The following RECQL4 variants were observed in gnomAD, a reference collection of about 807,000 sequenced individuals.
RECQL4 encodes RecQ like helicase 4.
In RECQL4, 158 loss-of-function variants were observed where a neutral mutation model predicts 128.6. The ratio of observed to expected loss-of-function variants is 1.23; its 90% CI spans 1.08 to 1.40. The LOEUF (loss-of-function observed/expected upper bound fraction) is 1.40. Among genes scored for constraint, RECQL4 ranks in the 40% most tolerant of loss-of-function variants. The pLI is 0.00. For synonymous variants in RECQL4, 996 were observed against 678.9 expected (o/e 1.47, Z -7.26); for missense variants, 2,293 against 1,649.8 (o/e 1.39, Z -6.75).
At chr8:144,514,624 G>A (rs1388237807) in intron 9 of RECQL4, 99 bp from the exon 10 acceptor site, 3 of 1,277,104 alleles carry the variant, frequency 2.3e-6, no homozygotes, top group Non-Finnish European at 3.2e-6. Context: ...AGTCCCTCAG[G>A]GGAGAGGAGA....
rs750008283 is a variant in RECQL4 at position 144,511,959 on chromosome 8, C to T, written c.3345G>A (p.Glu1115=). Residue 1115 remains glutamate (E), a synonymous_variant, in exon 19 of 21, where the codon GAG becomes GAA. Transcript: ENST00000617875. The part of the protein sequence containing the change: ...GRYFEEEEGQ[E]PGGMEDAQGP... ...CCTGTGCGTCCTCCATGCCTCCCGG[C>T]TCCTGCCCTTCCTCTTCCTCAAAGT... The T allele has an allele frequency of 2.5e-6, 4 of 1,611,630 alleles. No individual in the cohort carries two copies. In the Admixed American group the frequency reaches 5.0e-5, roughly 20 times the overall value.
Position 144,515,178 on chromosome 8 carries a change from C to T in RECQL4, c.1455G>A (p.Gln485=), listed in dbSNP as rs1347539741. 2.6e-6 allele frequency: 4 copies of T among 1,565,800 alleles called. No individual in the cohort carries two copies. The highest frequency in any genetic ancestry group is 1.7e-4 in the Middle Eastern group (1 of 6,026). The change falls in exon 8 of 21, where the codon CAG becomes CAA. Residue 485 remains glutamine, a synonymous_variant. Transcript: ENST00000617875. ...ACAGGATCCGCATGACTGCACGCTCCTGCCCAGGGCGAAAGGCTTGGTGCC... is the reference window on the plus strand; with the variant it reads ...ACAGGATCCGCATGACTGCACGCTCTTGCCCAGGGCGAAAGGCTTGGTGCC... The part of the protein sequence containing the change: ...QLGHQAFRPG[Q]ERAVMRILSG...
Position 144,516,399 on chromosome 8 carries a change from T to C in RECQL4, c.720A>G (p.Ser240=). 8.1e-6 allele frequency: 13 copies of C among 1,609,668 alleles called. No individual in the cohort carries two copies. Among genetic ancestry groups the C allele is most frequent in the South Asian group, 1.1e-5 (1 of 90,998 alleles). The part of the protein sequence containing the change: ...PGAGSQGPEA[S]AFQEVSIRVG... ...CACGGATGCTGACTTCTTGGAAGGC[T>C]GAAGCCTCTGGGCCCTGGGAGCCAG... The change falls in exon 5 of 21, where the codon TCA becomes TCG. Residue 240 remains serine (S), a synonymous_variant. Transcript: ENST00000617875.
rs1564810891 is a variant in RECQL4, at chr8:144,517,196, G to C, written c.214-6C>G. 1.9e-6 allele frequency: 3 copies of C among 1,594,016 alleles called. No homozygotes were observed. The highest frequency in any genetic ancestry group is 4.5e-5 in the East Asian group (2 of 44,096). On this transcript the variant is annotated splice_region_variant and splice_polypyrimidine_tract_variant and intron_variant, in intron 3 of 20. Transcript: ENST00000617875. ...CAGCAGCGGGGCTCTGGCGCCTGCAGGAGACAACAGGGGCACAGGCCAGAA... is the reference window on the plus strand; with the variant it reads ...CAGCAGCGGGGCTCTGGCGCCTGCACGAGACAACAGGGGCACAGGCCAGAA...
chr8:144,515,906 A>G lies in RECQL4; in HGVS notation c.1132-16T>C, dbSNP rs1349861607. On this transcript the variant is annotated splice_polypyrimidine_tract_variant and intron_variant, in intron 5 of 20. Transcript: ENST00000617875. ...GCTTCCATGCCTGGGGGGTGCCCAC[A>G]TAGGAGGGTCACTGGGCGGGAAATA... 3 of 1,612,738 alleles carry G rather than the reference A, an allele frequency of 1.9e-6. No homozygotes were observed. The highest frequency in any genetic ancestry group is 3.3e-5 in the Admixed American group (2 of 59,968).
rs781458227 is a variant in RECQL4 at position 144,513,495 on chromosome 8, G to A, written c.2201-15C>T. ...GGGGGCACGACCTTTGGGGAAGACA[G>A]GCAGATGGTCAGTGGGATGGGACCA... is the stretch of plus-strand genomic sequence containing the variant. On this transcript the variant is annotated splice_polypyrimidine_tract_variant and intron_variant, in intron 13 of 20. Transcript: ENST00000617875. 1.7e-5 allele frequency: 28 copies of A among 1,610,204 alleles called. No homozygotes were observed. The highest frequency in any genetic ancestry group is 6.6e-5 in the South Asian group (6 of 91,068).
chr8:144,512,633 C>T lies in RECQL4; in HGVS notation c.2885+9G>A, dbSNP rs578139954. On this transcript the variant is annotated intron_variant, in intron 16 of 20. Coordinates refer to ENST00000617875, the MANE Select transcript of RECQL4 (RefSeq NM_004260.4). The stretch of plus-strand genomic sequence containing the variant: ...CAACCTCGTCTCCAACTGGGCAGGG[C>T]GTGCTTACCTGTGGGCCAGGGCCTG... 66 of 1,611,942 alleles carry T rather than the reference C, an allele frequency of 4.1e-5. No homozygotes were observed. The highest frequency in any genetic ancestry group is 1.2e-4 in the African/African-American group (9 of 74,996).
chr8:144,511,715 G>A lies in RECQL4; in HGVS notation c.3468C>T (p.Ser1156=), dbSNP rs763080171. 6 of 1,612,562 alleles carry A rather than the reference G, an allele frequency of 3.7e-6. No individual in the cohort carries two copies. In the East Asian group the frequency reaches 1.1e-4, roughly 30 times the overall value. ...FLSLRPEEKF[S]SRAVARIFHG... ...GGAAGATGCGGGCCACAGCCCTGCT[G>A]GAGAACTTCTCCTCTGGCCTCAGGG... The change falls in exon 20 of 21, where the codon TCC becomes TCT. Residue 1156 remains serine (S), a synonymous_variant. Transcript: ENST00000617875.
rs369306389 is a variant in RECQL4 at position 144,515,065 on chromosome 8, G to A, written c.1491C>T (p.Ser497=). Residue 497 remains serine (S), a synonymous_variant, in exon 9 of 21, where the codon TCC becomes TCT. Transcript: ENST00000617875. ...CACCTGTAGGCAGCACCAGCAGCGT[G>A]GAGATGCCTGGATGGGGCGGGAGTC... ...RAVMRILSGI[S]TLLVLPTGAG... 2.4e-5 allele frequency: 39 copies of A among 1,606,582 alleles called. No homozygotes were observed. The African/African-American group carries it at 3.9e-4, about 16-fold the overall frequency.
Position 144,514,566 on chromosome 8 carries a change from C to T in RECQL4, c.1621-41G>A, listed in dbSNP as rs752949108. ...CGACAGCCGTCATACGCCAGCCCAG[C>T]CCTGGCCCTTCCCCAAGTCATCCCA... is the stretch of plus-strand genomic sequence containing the variant. On this transcript the variant is annotated intron_variant, in intron 9 of 20. Coordinates refer to ENST00000617875, the MANE Select transcript of RECQL4 (RefSeq NM_004260.4). 5 of 1,581,786 alleles carry T rather than the reference C, an allele frequency of 3.2e-6. No homozygotes were observed. The East Asian group carries it at 1.1e-4, about 36-fold the overall frequency.
rs769792064 is a variant in RECQL4, at chr8:144,516,151, C to A, written c.968G>T (p.Ser323Ile). Residue 323 changes from serine to isoleucine, a missense_variant, in exon 5 of 21, where the codon AGC (serine) becomes ATC (isoleucine). Physicochemically the swap from Ser to Ile is moderately radical, Grantham distance 142. Transcript: ENST00000617875. ...CCCAGCCCTAGCTTGACTGGAGGGG[C>A]TGAGTCCGTGGTACCTGGGGTTCGA... ...SPSNPRYHGL[S>I]PSSQARAGKA... 3.7e-6 allele frequency: 6 copies of A among 1,613,216 alleles called. No homozygotes were observed. The African/African-American group carries it at 6.7e-5, about 18-fold the overall frequency.
Position 144,512,126 on chromosome 8 carries a change from C to T in RECQL4, c.3236+18G>A, listed in dbSNP as rs761871401. ...CGGGAGGGTGGATGGTCCCAGGCCC[C>T]GCCCGCCTCCTCCCAACCTGTGAAA... On this transcript the variant is annotated intron_variant, in intron 18 of 20. Transcript: ENST00000617875. 1.7e-5 allele frequency: 28 copies of T among 1,601,438 alleles called. No individual in the cohort carries two copies. In the African/African-American group the frequency reaches 2.4e-4, roughly 14 times the overall value.
Position 144,517,811 on chromosome 8 carries a change from G to A in RECQL4, c.-27C>T, listed in dbSNP as rs1462407257. ...GCGCGCGCGCCCGCCCGGCCTCCGC[G>A]CTTGCGATCGTCCAGCGAATCTCCC... On this transcript the variant is annotated 5_prime_UTR_variant, in exon 1 of 21. Coordinates refer to ENST00000617875, the MANE Select transcript of RECQL4 (RefSeq NM_004260.4). 7.5e-6 allele frequency: 9 copies of A among 1,199,126 alleles called. No homozygotes were observed. Among genetic ancestry groups the A allele is most frequent in the Non-Finnish European group, 8.3e-6 (8 of 964,524 alleles). The allele number at this position is 1,199,126 out of a possible 1,614,324, so 74.3% of individuals were successfully genotyped here.
Position 144,516,010 on chromosome 8 carries a change from C to T in RECQL4, c.1109G>A (p.Arg370His), listed in dbSNP as rs377494266. ...TACCTGCTTGCGGAGGAGCCTGCTA[C>T]GGAGTGCCCGGCCCCGCACGTAGTG... is the stretch of plus-strand genomic sequence containing the variant. ...QKHYVRGRALRSRLLRKQAWK... is the reference protein window; with the variant it reads ...QKHYVRGRALHSRLLRKQAWK... Residue 370 changes from arginine (R) to histidine (H), a missense_variant, in exon 5 of 21, where the codon CGT becomes CAT. Physicochemically the swap from Arg to His is conservative, Grantham distance 29. Coordinates refer to ENST00000617875, the MANE Select transcript of RECQL4 (RefSeq NM_004260.4). 2.7e-5 allele frequency: 43 copies of T among 1,609,776 alleles called. No homozygotes were observed. Among genetic ancestry groups the T allele is most frequent in the South Asian group, 1.8e-4 (16 of 91,026 alleles).
Position 144,515,131 on chromosome 8 carries a change from C to T in RECQL4, c.1483+19G>A, listed in dbSNP as rs2130705257. On this transcript the variant is annotated intron_variant, in intron 8 of 20. Transcript: ENST00000617875. ...CAGCCTGGCCTCAGCCCAGCCTCAG[C>T]CCTGGCAGCCACGCTCACCAGACAG... 6.4e-7 allele frequency: 1 copy of T among 1,570,468 alleles called. No homozygotes were observed. Among genetic ancestry groups the T allele is most frequent in the Non-Finnish European group, 8.6e-7 (1 of 1,159,024 alleles).
At position 144,513,276 on chromosome 8, in the gene RECQL4, A is replaced by C. The variant is rs2130677202; in HGVS notation, c.2405T>G (p.Val802Gly). The C allele has an allele frequency of 6.3e-7, 1 of 1,596,250 alleles. No individual in the cohort carries two copies. Among genetic ancestry groups the C allele is most frequent in the East Asian group, 2.2e-5 (1 of 44,716 alleles). The change falls in exon 14 of 21, where the codon GTG becomes GGG. Residue 802 changes from valine (V) to glycine (G), a missense_variant. Val to Gly is a moderately radical substitution (Grantham distance 109, BLOSUM62 -3). Transcript: ENST00000617875. ...PPSFESYVQA[V>G]GRAGRDGQPA... ...CTGCCCGTCACGCCCGGCCCGGCCCACGGCCTGCACGTAGCTCTCGAAGCT... is the reference window on the plus strand; with the variant it reads ...CTGCCCGTCACGCCCGGCCCGGCCCCCGGCCTGCACGTAGCTCTCGAAGCT...
chr8:144,512,177 G>T lies in RECQL4; in HGVS notation c.3203C>A (p.Ala1068Asp), dbSNP rs751964578. 3.1e-6 allele frequency: 5 copies of T among 1,611,352 alleles called. No individual in the cohort carries two copies. The South Asian group carries it at 4.4e-5, about 14-fold the overall frequency. Residue 1068 changes from alanine (A) to aspartate (D), a missense_variant, in exon 18 of 21, where the codon GCC (alanine) becomes GAC (aspartate). Transcript: ENST00000617875. ...GGCCTGGAAGGTTCTGCGCAGACGGGCCAGGGCCTGGCGCTCCCGGGCCTG... is the reference window on the plus strand; with the variant it reads ...GGCCTGGAAGGTTCTGCGCAGACGGTCCAGGGCCTGGCGCTCCCGGGCCTG... The part of the protein sequence containing the change: ...RVQARERQAL[A>D]RLRRTFQAFH...
rs1478973162 is a variant in RECQL4, at chr8:144,515,778, T to C, written c.1244A>G (p.Gln415Arg). The C allele has an allele frequency of 1.2e-6, 2 of 1,612,428 alleles. No homozygotes were observed. The highest frequency in any genetic ancestry group is 2.2e-5 in the East Asian group (1 of 44,872). The change falls in exon 6 of 21, where the codon CAG (glutamine) becomes CGG (arginine). Residue 415 changes from glutamine (Q) to arginine (R), a missense_variant. Physicochemically the swap from Gln to Arg is conservative, Grantham distance 43. Transcript: ENST00000617875. Reference protein sequence around the residue: ...LNEQFDHWAAQCPRPASEEDT... With the variant: ...LNEQFDHWAARCPRPASEEDT... Reference sequence around the variant, plus strand: ...AGATGTCTCACCTGGCCGGGGACACTGGGCTGCCCAGTGATCGAACTGCTC... The same window carrying C: ...AGATGTCTCACCTGGCCGGGGACACCGGGCTGCCCAGTGATCGAACTGCTC...
rs769976284 is a variant in RECQL4 at position 144,516,557 on chromosome 8, G to A, written c.562C>T (p.Pro188Ser). Reference protein sequence around the residue: ...SLSQRLGSLDPGWLQRCHSEV... With the variant: ...SLSQRLGSLDSGWLQRCHSEV... ...CTGTGACATCGCTGTAACCAGCCAG[G>A]ATCTAGGGAGCCCAGCCGCTGGCTC... The change falls in exon 5 of 21, where the codon CCT becomes TCT. Residue 188 changes from proline to serine, a missense_variant. By Grantham distance (74) the Pro-to-Ser change is moderately conservative (BLOSUM62 -1). Coordinates refer to ENST00000617875, the MANE Select transcript of RECQL4 (RefSeq NM_004260.4). 3.7e-6 allele frequency: 6 copies of A among 1,609,700 alleles called. No individual in the cohort carries two copies. Among genetic ancestry groups the A allele is most frequent in the South Asian group, 1.1e-5 (1 of 90,770 alleles).
Sources: allele counts gnomAD v4.1 joint callset, GRCh38; gene constraint gnomAD v4.1.1; transcripts MANE v1.5; gene names NCBI Gene and HGNC (gene_info 2026-07-23, HGNC 2026-07-21).